Variants in RADIL observed in about 807,000 individuals in gnomAD.
RADIL encodes the protein Rap associating with DIL domain, also known as ras-associating and dilute domain-containing protein.
RADIL carries 99 observed loss-of-function variants against 97.6 expected under a neutral mutation model. The ratio of observed to expected loss-of-function variants is 1.01; its 90% confidence interval spans 0.86 to 1.20. The LOEUF is 1.20. RADIL is among the 50% of genes most tolerant of loss of function. The pLI is 0.00. For missense variants in RADIL, 1,765 were observed against 1,498.9 expected (o/e 1.18, Z -2.93); for synonymous variants, 803 against 691.8 (o/e 1.16, Z -2.52).
intron 6 of RADIL, among the ~76,000 whole-genome samples, chr7:4,820,092 C>A (rs760041611): frequency 6.6e-6 from 1 of 152,220 alleles, no homozygotes; most frequent in Non-Finnish European, 1.5e-5. Flanking sequence ...GCTGACTCTT[C>A]CTGTGGGGGC....
chr7:4,817,404 G>A lies in RADIL; in HGVS notation c.1616-53C>T, dbSNP rs918388539. On this transcript the variant is annotated intron_variant, in intron 6 of 14. Transcript: ENST00000399583. The surrounding 1 kb of genome is among the most constrained non-coding windows in gnomAD (Gnocchi z 8.3). ...CACAACGGGCACAGCGCTCAGGAAC[G>A]CAGCAACTCAGCCAGCCGCCAGCTC... is the stretch of plus-strand genomic sequence containing the variant. 131 of 1,503,292 alleles carry A rather than the reference G, an allele frequency of 8.7e-5. No individual in the cohort carries two copies. The South Asian group carries it at 1.4e-3, about 16-fold the overall frequency. 93.1% of individuals were successfully genotyped at this position (1,503,292 alleles called of 1,614,324 possible). A position where few individuals can be genotyped will look rare whatever the true frequency, so the allele number is the denominator to read the frequency against.
At position 4,834,685 on chromosome 7, in the gene RADIL, G is replaced by A. The variant is rs764181660; in HGVS notation, c.1338C>T (p.His446=). Residue 446 remains histidine, a synonymous_variant, in exon 4 of 15, where the codon CAC becomes CAT. Coordinates refer to ENST00000399583, the MANE Select transcript of RADIL (RefSeq NM_018059.5). The surrounding 1 kb of genome is among the most constrained non-coding windows in gnomAD (Gnocchi z 6.0). ...PAFLLCLCIQ[H]SATHFQPGTF... Reference sequence around the variant, plus strand: ...TGCCCGGCTGGAAGTGGGTGGCCGAGTGCTGGATGCAGAGGCACAGGAGGA... The same window carrying A: ...TGCCCGGCTGGAAGTGGGTGGCCGAATGCTGGATGCAGAGGCACAGGAGGA... The A allele has an allele frequency of 1.4e-5, 20 of 1,388,304 alleles. No individual in the cohort carries two copies. The East Asian group carries it at 5.3e-4, about 36-fold the overall frequency. 86.0% of individuals were successfully genotyped at this position (1,388,304 alleles called of 1,614,324 possible).
rs754751344 is a variant in RADIL, at chr7:4,822,409, G to T, written c.1600C>A (p.Gln534Lys). ...CCAGCCGTACCTGTGATGTCCAGCT[G>T]CTCCTCCATGCTCTGCATGTAGAGT... Reference protein sequence around the residue: ...CPLYMQSMEEQLDITGSKESL... With the variant: ...CPLYMQSMEEKLDITGSKESL... Residue 534 changes from glutamine to lysine, a missense_variant, in exon 6 of 15, where the codon CAG (glutamine) becomes AAG (lysine). Transcript: ENST00000399583. The surrounding 1 kb of genome is among the most constrained non-coding windows in gnomAD (Gnocchi z 5.3). The T allele has an allele frequency of 1.9e-6, 3 of 1,611,700 alleles. No homozygotes were observed. The highest frequency in any genetic ancestry group is 2.5e-6 in the Non-Finnish European group (3 of 1,179,540).
At chr7:4,865,003 G>T (rs561575861) in intron 2 of RADIL, among the ~76,000 whole-genome samples, 25 of 152,274 alleles carry the variant, frequency 1.6e-4, no homozygotes, top group African/African-American at 6.0e-4. Context: ...TTTCCCCTCT[G>T]CACCAGCTGC....
In RADIL at chr7:4,819,707, A is replaced by G. The variant is rs1431286444; in HGVS notation, c.1616-2356T>C. Among the ~76,000 whole-genome samples the G allele has an allele frequency of 6.6e-6, 1 of 152,136 alleles. No homozygotes were observed. The highest frequency in any genetic ancestry group is 1.5e-5 in the Non-Finnish European group (1 of 68,020). On this transcript the variant is annotated intron_variant, in intron 6 of 14. Transcript: ENST00000399583. The surrounding 1 kb of genome is among the most constrained non-coding windows in gnomAD (Gnocchi z 5.8). ...CAGCCCTGCTCTCCGAATTCTTCCC[A>G]CAGACATTTCCTGCAGAGGGTCGGG...
Position 4,797,842 on chromosome 7 carries a change from G to A in RADIL, c.*1536C>T, listed in dbSNP as rs991779052. On this transcript the variant is annotated 3_prime_UTR_variant, in exon 15 of 15. Transcript: ENST00000399583. ...AAAAGTACTAAATTAGCCAAGCGTG[G>A]TGGCAGGCGCCTGTAATCCCAGCTA... 3 of 152,066 alleles carry A rather than the reference G, an allele frequency of 2.0e-5. No homozygotes were observed. The highest frequency in any genetic ancestry group is 2.1e-4 in the South Asian group (1 of 4,832). 9.4% of individuals were successfully genotyped at this position (152,066 alleles called of 1,614,324 possible).
chr7:4,876,241 G>A (rs1293231830), intron 2 of RADIL, among the ~76,000 whole-genome samples: 3 of 151,994 alleles, frequency 2.0e-5, no homozygotes, highest in Non-Finnish European at 4.4e-5. Context: ...CTCCTACCTT[G>A]GCCTCTCAAA....
At chr7:4,847,535 T>C (rs1468893979) in intron 2 of RADIL, among the ~76,000 whole-genome samples, 2 of 152,018 alleles carry the variant, frequency 1.3e-5, no homozygotes, top group Admixed American at 6.6e-5. Flanking sequence ...ACGCAAATGC[T>C]TATGCACAAA....
At chr7:4,826,604 G>A (rs765099915) in intron 5 of RADIL, among the ~76,000 whole-genome samples, 25 of 151,518 alleles carry the variant, frequency 1.6e-4, no homozygotes, top group South Asian at 2.1e-4. Flanking sequence ...GTGGTGGCGC[G>A]TGCCTGTAAT....
rs34276261 is a variant in RADIL, at chr7:4,850,216, T to TAAAAAAAAAA, written c.536-13621_536-13612dup. On this transcript the variant is annotated intron_variant, in intron 2 of 14. Transcript: ENST00000399583. The stretch of plus-strand genomic sequence containing the variant: ...ACCCACACTACACAGACGATCCCTT[T>TAAAAAAAAAA]AAAAAAAAAAAAAAAAAAAAAACCT... Among the ~76,000 whole-genome samples the TAAAAAAAAAA allele has an allele frequency of 5.2e-3, 457 of 87,968 alleles. 11 individuals carry two copies. The highest frequency in any genetic ancestry group is 0.017 in the African/African-American group (408 of 23,656). The allele number at this position is 87,968 out of a possible 152,430, so 57.7% of individuals were successfully genotyped here.
chr7:4,866,922 G>C (rs1784144142), intron 2 of RADIL, among the ~76,000 whole-genome samples: 1 of 152,188 alleles, frequency 6.6e-6, no homozygotes. Flanking sequence ...ACCAGATCGA[G>C]AATGGATTGG....
At position 4,799,616 on chromosome 7, in the gene RADIL, T is replaced by C; in HGVS notation, c.3122+14A>G. ...TCTGGGAGAAGGGGCCGGGCGTGCATGCGGTGGGGGTACCTCAGGTAGCCA... is the reference window on the plus strand; with the variant it reads ...TCTGGGAGAAGGGGCCGGGCGTGCACGCGGTGGGGGTACCTCAGGTAGCCA... On this transcript the variant is annotated intron_variant, in intron 14 of 14. Coordinates refer to ENST00000399583, the MANE Select transcript of RADIL (RefSeq NM_018059.5). The C allele has an allele frequency of 6.2e-7, 1 of 1,605,668 alleles. No individual in the cohort carries two copies. The highest frequency in any genetic ancestry group is 1.7e-4 in the Middle Eastern group (1 of 6,028).
intron 10 of RADIL, 179 bp downstream of exon 10, chr7:4,805,387 C>T: frequency 1.5e-6 from 1 of 689,160 alleles, no homozygotes. Flanking sequence ...CCCCGGATCC[C>T]CAGGTTGGGG....
At chr7:4,831,152 T>C (rs1232825249) in intron 5 of RADIL, among the ~76,000 whole-genome samples, 2 of 151,192 alleles carry the variant, frequency 1.3e-5, no homozygotes, top group African/African-American at 4.9e-5. Context: ...GATCTCATTA[T>C]TGCACTCTAG....
intron 9 of RADIL, among the ~76,000 whole-genome samples, chr7:4,812,361 A>G (rs1444330242): frequency 6.6e-6 from 1 of 152,088 alleles, no homozygotes; most frequent in Non-Finnish European, 1.5e-5. Context: ...AATCTGAGTG[A>G]TGGCCTCCTT....
intron 2 of RADIL, among the ~76,000 whole-genome samples, chr7:4,870,862 A>T (rs1784236824): frequency 6.6e-6 from 1 of 152,182 alleles, no homozygotes; most frequent in Non-Finnish European, 1.5e-5. Flanking sequence ...CCGAGTCCCC[A>T]GGGCAGGAGG....
At chr7:4,808,194 A>C (rs1434343841) in intron 9 of RADIL, among the ~76,000 whole-genome samples, 25 of 101,764 alleles carry the variant, frequency 2.5e-4, no homozygotes, top group African/African-American at 7.2e-4. Context: ...CTGCCTTCTT[A>C]CTCTCCTCCC....
In RADIL at chr7:4,834,536, G is replaced by GGGGCCAGCTCC. The variant is rs1294728188; in HGVS notation, c.1416+60_1416+70dup. On this transcript the variant is annotated intron_variant, in intron 4 of 14. Coordinates refer to ENST00000399583, the MANE Select transcript of RADIL (RefSeq NM_018059.5). This position sits in a 1 kb window ranked among gnomAD's most constrained non-coding sequence, Gnocchi z 6.0. ...ATAGAGGCGCTCCCGCCTCCCAGCC[G>GGGGCCAGCTCC]GGGCCAGCTCCGGGCCCCCTCTTCC... 2.7e-5 allele frequency: 34 copies of GGGGCCAGCTCC among 1,276,290 alleles called. No individual in the cohort carries two copies. In the East Asian group the frequency reaches 1.0e-3, roughly 38 times the overall value. 79.1% of individuals were successfully genotyped at this position (1,276,290 alleles called of 1,614,324 possible).
rs1053451978 is a variant in RADIL at position 4,878,786 on chromosome 7, A to C, written c.-64-583T>G. ...GGCGCAGCGCCCGTGTGCAGTGAGCATCAAGGAGCGCCCCACCCGGAGCCG... is the reference window on the plus strand; with the variant it reads ...GGCGCAGCGCCCGTGTGCAGTGAGCCTCAAGGAGCGCCCCACCCGGAGCCG... On this transcript the variant is annotated intron_variant, in intron 1 of 14. Coordinates refer to ENST00000399583, the MANE Select transcript of RADIL (RefSeq NM_018059.5). The surrounding 1 kb of genome is among the most constrained non-coding windows in gnomAD (Gnocchi z 4.1). Among the ~76,000 whole-genome samples, 1 of 152,220 alleles carries C rather than the reference A, an allele frequency of 6.6e-6. No individual in the cohort carries two copies. The highest frequency in any genetic ancestry group is 2.4e-5 in the African/African-American group (1 of 41,468).
Sources: allele counts gnomAD v4.1 joint callset (sites outside exome capture counted in the v4.1 genomes callset), GRCh38; gene constraint gnomAD v4.1.1; non-coding constraint Gnocchi (gnomAD v3.1); transcripts MANE v1.5; gene names NCBI Gene and HGNC (gene_info 2026-07-23, HGNC 2026-07-21).